Variants in CSMD1 observed in about 807,000 individuals in gnomAD.
CSMD1 encodes the protein CUB and Sushi multiple domains 1, also known as CUB and sushi domain-containing protein 1.
Under a neutral mutation model 417.5 loss-of-function variants are expected in CSMD1, and 213 were observed. The observed-to-expected ratio is 0.51, with a 90% CI of 0.46 to 0.57. The LOEUF (loss-of-function observed/expected upper bound fraction) is 0.57. Among genes scored for constraint, CSMD1 ranks in the 20% least tolerant of loss-of-function variants. CSMD1 has a pLI of 0.00. For synonymous variants in CSMD1, 2,862 were observed against 1,736.8 expected, an observed-to-expected ratio of 1.65 and a Z score of -16.11; for missense variants, 6,923 against 4,529.7, an observed-to-expected ratio of 1.53 and a Z score of -15.17.
intron 1 of CSMD1, among the ~76,000 whole-genome samples, chr8:4,736,465 G>T (rs1415167596): frequency 1.3e-5 from 2 of 152,092 alleles, no homozygotes; most frequent in Non-Finnish European, 2.9e-5. Context: ...CCTCAGGTGG[G>T]CAAATACAAG....
intron 1 of CSMD1, among the ~76,000 whole-genome samples, chr8:4,964,759 G>C (rs147007210): frequency 0.01 from 1,559 of 152,242 alleles, 26 homozygotes; most frequent in African/African-American, 0.036. Flanking sequence ...CATTGAACCT[G>C]ACAAAAACTC....
At chr8:3,584,161 G>C (rs1396926748) in intron 9 of CSMD1, among the ~76,000 whole-genome samples, 1 of 152,124 alleles carries the variant, frequency 6.6e-6, no homozygotes, top group Non-Finnish European at 1.5e-5. Flanking sequence ...AATAAGAACT[G>C]AAGTACTATT....
chr8:4,011,875 C>T (rs967158735), intron 4 of CSMD1, among the ~76,000 whole-genome samples: 2 of 152,090 alleles, frequency 1.3e-5, no homozygotes, highest in African/African-American at 4.8e-5. Context: ...CCACAATGCT[C>T]AAGTCCCTTA....
intron 12 of CSMD1, among the ~76,000 whole-genome samples, chr8:3,415,171 C>T (rs1813051699): frequency 6.6e-6 from 1 of 152,234 alleles, no homozygotes; most frequent in South Asian, 2.1e-4. Context: ...TCATCTACAG[C>T]ATGTTATTTT....
In CSMD1 at chr8:4,994,578, G is replaced by A. The variant is rs375000166; in HGVS notation, c.-162C>T. 2.5e-4 allele frequency: 160 copies of A among 642,428 alleles called. 1 individual carries two copies. Among genetic ancestry groups the A allele is most frequent in the African/African-American group, 2.4e-3 (135 of 55,322 alleles). 39.8% of individuals were successfully genotyped at this position (642,428 alleles called of 1,614,324 possible). The stretch of plus-strand genomic sequence containing the variant: ...ACGCCTCCTGAAGGTCTGGGCGCCC[G>A]GCTCGCTTCCCTCTCATAGCATCGG... On this transcript the variant is annotated 5_prime_UTR_variant, in exon 1 of 70. Transcript: ENST00000635120.
chr8:4,557,773 G>C (rs369472469), intron 2 of CSMD1, among the ~76,000 whole-genome samples: 17 of 123,580 alleles, frequency 1.4e-4, no homozygotes, highest in African/African-American at 5.5e-4. Flanking sequence ...AAGATGGCAC[G>C]TAAGTCTCCG....
chr8:4,330,314 G>C (rs1029009493), intron 3 of CSMD1, among the ~76,000 whole-genome samples: 2 of 151,496 alleles, frequency 1.3e-5, no homozygotes, highest in African/African-American at 2.4e-5. Flanking sequence ...AATATTTTGG[G>C]CTGGGCGTGC....
At chr8:4,510,288 G>A (rs953956895) in intron 2 of CSMD1, among the ~76,000 whole-genome samples, 1 of 146,926 alleles carries the variant, frequency 6.8e-6, no homozygotes, top group African/African-American at 2.5e-5. Flanking sequence ...GTCTTTATCA[G>A]CAGCATGAGA....
rs1209740707 is a variant in CSMD1, at chr8:3,493,527, G to A, written c.1448+96C>T. ...CATAGATGGCACTAAGCAAACACCTGAGGCCGAATTACAAGCCTGTAGCAG... is the reference window on the plus strand; with the variant it reads ...CATAGATGGCACTAAGCAAACACCTAAGGCCGAATTACAAGCCTGTAGCAG... On this transcript the variant is annotated intron_variant, in intron 11 of 69. Transcript: ENST00000635120. 10 of 1,026,864 alleles carry A rather than the reference G, an allele frequency of 9.7e-6. No individual in the cohort carries two copies. In the East Asian group the frequency reaches 1.3e-4, roughly 13 times the overall value. The allele number at this position is 1,026,864 out of a possible 1,614,324, so 63.6% of individuals were successfully genotyped here.
At chr8:4,798,050 A>T (rs769371431) in intron 1 of CSMD1, among the ~76,000 whole-genome samples, 3 of 152,248 alleles carry the variant, frequency 2.0e-5, no homozygotes, top group Admixed American at 2.0e-4. Flanking sequence ...TCTAGGGTAC[A>T]TGCGCACAAC....
intron 1 of CSMD1, among the ~76,000 whole-genome samples, chr8:4,695,353 G>A (rs917621102): frequency 6.6e-6 from 1 of 152,150 alleles, no homozygotes; most frequent in Non-Finnish European, 1.5e-5. Flanking sequence ...GCTTGAGAGT[G>A]AGGACTGGCC....
intron 1 of CSMD1, among the ~76,000 whole-genome samples, chr8:4,812,913 T>A (rs1396931657): frequency 1.3e-5 from 2 of 152,182 alleles, no homozygotes; most frequent in Non-Finnish European, 2.9e-5. Flanking sequence ...TTGTATCAGT[T>A]TATAGCAACA....
chr8:3,353,007 C>G (rs1044212773), intron 21 of CSMD1, among the ~76,000 whole-genome samples: 1 of 152,174 alleles, frequency 6.6e-6, no homozygotes, highest in African/African-American at 2.4e-5. Flanking sequence ...TGCTCAAGAT[C>G]ACACAGGTGT....
intron 20 of CSMD1, among the ~76,000 whole-genome samples, chr8:3,363,686 G>A (rs1176916233): frequency 2.0e-5 from 3 of 152,094 alleles, no homozygotes; most frequent in Admixed American, 1.3e-4. Context: ...TGCCACCAAG[G>A]CTTTTGAATG....
At chr8:4,553,265 C>T (rs1797948821) in intron 2 of CSMD1, among the ~76,000 whole-genome samples, 2 of 152,180 alleles carry the variant, frequency 1.3e-5, no homozygotes. Flanking sequence ...AACAGTTCCT[C>T]ATTCCACTTC....
intron 2 of CSMD1, among the ~76,000 whole-genome samples, chr8:4,634,514 C>T (rs1183530585): frequency 1.3e-5 from 2 of 152,140 alleles, no homozygotes; most frequent in East Asian, 3.8e-4. Flanking sequence ...TTTTGTGCAA[C>T]AATAAAACAA....
chr8:4,335,710 A>T lies in CSMD1; in HGVS notation c.415+84243T>A, dbSNP rs1180069857. ...TTGTTACAGAATATAGTGTTTCTCAAAAATAACAAATAGTGTACCTTAATA... is the reference window on the plus strand; with the variant it reads ...TTGTTACAGAATATAGTGTTTCTCATAAATAACAAATAGTGTACCTTAATA... On this transcript the variant is annotated intron_variant, in intron 3 of 69. Coordinates refer to ENST00000635120, the MANE Select transcript of CSMD1 (RefSeq NM_033225.6). 2.0e-5 allele frequency among the ~76,000 whole-genome samples: 3 copies of T among 152,134 alleles called. No homozygotes were observed. The East Asian group carries it at 5.8e-4, about 29-fold the overall frequency.
intron 7 of CSMD1, among the ~76,000 whole-genome samples, chr8:3,705,647 C>T (rs1801126202): frequency 6.6e-6 from 1 of 152,210 alleles, no homozygotes; most frequent in South Asian, 2.1e-4. Flanking sequence ...TGCCTGCAGA[C>T]CCTGAGCTAG....
chr8:3,113,674 G>C (rs548719687), intron 42 of CSMD1, among the ~76,000 whole-genome samples: 1 of 152,128 alleles, frequency 6.6e-6, no homozygotes. Flanking sequence ...TCCCTGAGAA[G>C]TGGGAAGGGG....
Sources: gnomAD v4.1 joint callset for allele counts (sites outside exome capture counted in the v4.1 genomes callset) on GRCh38, gnomAD v4.1.1 for gene constraint, MANE v1.5 for transcripts, NCBI Gene and HGNC (gene_info 2026-07-23, HGNC 2026-07-21) for gene names.